ZFYVE28: variants seen among roughly 807,000 people sequenced by gnomAD.
ZFYVE28 encodes the protein zinc finger FYVE-type containing 28.
Under a neutral mutation model 82.1 loss-of-function variants are expected in ZFYVE28, and 40 were observed. The ratio of observed to expected loss-of-function variants is 0.49; its 90% confidence interval spans 0.38 to 0.63. ZFYVE28 has a LOEUF of 0.63. Among genes scored for constraint, ZFYVE28 ranks in the 30% least tolerant of loss-of-function variants. ZFYVE28 has a pLI of 0.00. For synonymous variants in ZFYVE28, 612 were observed against 546.1 expected, an observed-to-expected ratio of 1.12 and a Z score of -1.68; for missense variants, 1,321 against 1,242.1, an observed-to-expected ratio of 1.06 and a Z score of -0.96.
chr4:2,417,399 G>C lies in ZFYVE28; in HGVS notation c.39+886C>G, dbSNP rs1204649976. 1.3e-5 allele frequency among the ~76,000 whole-genome samples: 2 copies of C among 150,874 alleles called. No individual in the cohort carries two copies. Among genetic ancestry groups the C allele is most frequent in the Non-Finnish European group, 3.0e-5 (2 of 67,636 alleles). On this transcript the variant is annotated intron_variant, in intron 1 of 12. Coordinates refer to ENST00000290974, the MANE Select transcript of ZFYVE28 (RefSeq NM_020972.3). The surrounding 1 kb of genome is among the most constrained non-coding windows in gnomAD (Gnocchi z 4.8). ...CGGGCACGAGCCCCAGGCGGGCGGC[G>C]GGGACGCAGCGCCCGCAGTGCGACT...
rs191752047 is a variant in ZFYVE28, at chr4:2,365,300, G to C, written c.40-11227C>G. On this transcript the variant is annotated intron_variant, in intron 1 of 12. Transcript: ENST00000290974. The stretch of plus-strand genomic sequence containing the variant: ...GGGGACAAGGGCGTGAGGAGGGGCC[G>C]CGCGGCGCCTGTCACTCGAGCCTGG... Among the ~76,000 whole-genome samples, 584 of 152,156 alleles carry C rather than the reference G, an allele frequency of 3.8e-3. 1 individual carries two copies. The highest frequency in any genetic ancestry group is 0.011 in the South Asian group (54 of 4,820).
In ZFYVE28 at chr4:2,375,103, G is replaced by C. The variant is rs566010016; in HGVS notation, c.40-21030C>G. On this transcript the variant is annotated intron_variant, in intron 1 of 12. Coordinates refer to ENST00000290974, the MANE Select transcript of ZFYVE28 (RefSeq NM_020972.3). ...AGTACAAAGCTCTGAAAGTGCCGTG[G>C]CCTTTCCCAGGCACTGGCCCCTGGG... is the stretch of plus-strand genomic sequence containing the variant. Among the ~76,000 whole-genome samples, 10 of 152,280 alleles carry C rather than the reference G, an allele frequency of 6.6e-5. No homozygotes were observed. The South Asian group carries it at 2.1e-3, about 32-fold the overall frequency.
chr4:2,327,700 A>T (rs1204032481), intron 6 of ZFYVE28, among the ~76,000 whole-genome samples: 1 of 152,154 alleles, frequency 6.6e-6, no homozygotes, highest in East Asian at 1.9e-4. Flanking sequence ...AGATGATCAT[A>T]TGGTTTTTTT....
intron 2 of ZFYVE28, among the ~76,000 whole-genome samples, chr4:2,347,503 A>C (rs1723768963): frequency 6.6e-6 from 1 of 152,226 alleles, no homozygotes; most frequent in Non-Finnish European, 1.5e-5. Context: ...ACCAAGAAAG[A>C]CCAAATTCTG....
At chr4:2,413,616 A>G (rs1311357614) in intron 1 of ZFYVE28, among the ~76,000 whole-genome samples, 28 of 152,212 alleles carry the variant, frequency 1.8e-4, no homozygotes, top group Admixed American at 1.8e-3. Flanking sequence ...CCTCAGAGAG[A>G]AACGTGCCAG....
At chr4:2,340,845 G>A (rs940944445) in intron 3 of ZFYVE28, among the ~76,000 whole-genome samples, 10 of 152,218 alleles carry the variant, frequency 6.6e-5, no homozygotes, top group South Asian at 2.1e-4. Flanking sequence ...TGAAGACTCC[G>A]CACCCCAGGG....
intron 7 of ZFYVE28, among the ~76,000 whole-genome samples, chr4:2,306,430 G>A (rs558199335): frequency 3.0e-4 from 46 of 152,290 alleles, no homozygotes; most frequent in African/African-American, 9.4e-4. Flanking sequence ...CCAGGCCCCC[G>A]GCACCCTGGC....
chr4:2,386,222 T>C (rs1175653678), intron 1 of ZFYVE28, among the ~76,000 whole-genome samples: 1 of 152,174 alleles, frequency 6.6e-6, no homozygotes, highest in Non-Finnish European at 1.5e-5. Context: ...CAGTGGCTCA[T>C]GTCTGTAATC....
At chr4:2,315,279 G>GC (rs1718039271) in intron 7 of ZFYVE28, among the ~76,000 whole-genome samples, 2 of 152,046 alleles carry the variant, frequency 1.3e-5, no homozygotes, top group South Asian at 4.2e-4. Flanking sequence ...TCCTTCAGCA[G>GC]TTTTTTTTGT....
At chr4:2,280,423 G>C (rs180854558) in intron 8 of ZFYVE28, among the ~76,000 whole-genome samples, 1 of 152,184 alleles carries the variant, frequency 6.6e-6, no homozygotes, top group East Asian at 1.9e-4. Flanking sequence ...TGGGAGGATC[G>C]CTTGAGCCCA....
intron 8 of ZFYVE28, among the ~76,000 whole-genome samples, chr4:2,303,490 C>T (rs184970551): frequency 2.9e-3 from 435 of 152,308 alleles, no homozygotes; most frequent in Middle Eastern, 6.8e-3. Flanking sequence ...TTCCAGTTAG[C>T]GAGGCCTATA....
intron 6 of ZFYVE28, among the ~76,000 whole-genome samples, chr4:2,322,542 A>C (rs904760307): frequency 6.6e-6 from 1 of 152,102 alleles, no homozygotes; most frequent in African/African-American, 2.4e-5. Flanking sequence ...GACGCCCCGC[A>C]CAGTGGAGAA....
chr4:2,330,890 G>C, intron 6 of ZFYVE28: 1 of 1,534,856 alleles, frequency 6.5e-7, no homozygotes, highest in Non-Finnish European at 8.7e-7. Context: ...GGCAGATCAC[G>C]GTGGGAGCTC....
At chr4:2,404,714 G>A (rs576555431) in intron 1 of ZFYVE28, among the ~76,000 whole-genome samples, 1 of 152,186 alleles carries the variant, frequency 6.6e-6, no homozygotes, top group African/African-American at 2.4e-5. Flanking sequence ...TAGAAACAGG[G>A]TGTTTATATG....
In ZFYVE28 at chr4:2,372,277, G is replaced by A. The variant is rs954340359; in HGVS notation, c.40-18204C>T. ...GTCTGGTTCCGAGAAGGACTCGTGA[G>A]GGGGTAGGAATGGTCCCACCACCCT... On this transcript the variant is annotated intron_variant, in intron 1 of 12. Coordinates refer to ENST00000290974, the MANE Select transcript of ZFYVE28 (RefSeq NM_020972.3). The surrounding 1 kb of genome is among the most constrained non-coding windows in gnomAD (Gnocchi z 5.2). Among the ~76,000 whole-genome samples the A allele has an allele frequency of 6.6e-6, 1 of 152,142 alleles. No individual in the cohort carries two copies. The highest frequency in any genetic ancestry group is 1.5e-5 in the Non-Finnish European group (1 of 67,998).
chr4:2,291,324 G>A (rs999897905), intron 8 of ZFYVE28, among the ~76,000 whole-genome samples: 1 of 152,238 alleles, frequency 6.6e-6, no homozygotes, highest in African/African-American at 2.4e-5. Flanking sequence ...CTGGTCCCAT[G>A]GGGTGGAGGA....
chr4:2,275,507 T>C (rs79034187), intron 8 of ZFYVE28, among the ~76,000 whole-genome samples: 3,721 of 152,336 alleles, frequency 0.024, 66 homozygotes, highest in South Asian at 0.079. Flanking sequence ...TTTCTCTACC[T>C]AGAAATATTC....
At chr4:2,370,663 A>G (rs1188914386) in intron 1 of ZFYVE28, among the ~76,000 whole-genome samples, 1 of 152,150 alleles carries the variant, frequency 6.6e-6, no homozygotes, top group Non-Finnish European at 1.5e-5. Context: ...CCTGGGCATC[A>G]CTGTACCGGG....
At chr4:2,406,409 C>T (rs145134359) in intron 1 of ZFYVE28, 3 of 152,360 alleles carry the variant, frequency 2.0e-5, no homozygotes, top group Non-Finnish European at 2.9e-5. Context: ...AGGGGCTGCC[C>T]GAGAGCTCCT....
Sources: allele counts gnomAD v4.1 joint callset (sites outside exome capture counted in the v4.1 genomes callset), GRCh38; gene constraint gnomAD v4.1.1; non-coding constraint Gnocchi (gnomAD v3.1); transcripts MANE v1.5; gene names NCBI Gene and HGNC (gene_info 2026-07-23, HGNC 2026-07-21).